Variants in MAST1 observed in about 807,000 individuals in gnomAD.
The protein encoded by MAST1 is microtubule associated serine/threonine kinase 1, also known as microtubule-associated serine/threonine-protein kinase 1.
A neutral mutation model predicts 124.6 loss-of-function variants in MAST1; 40 were observed. That is an observed-to-expected ratio of 0.32 (90% CI 0.25 to 0.42). The LOEUF (loss-of-function observed/expected upper bound fraction) is 0.42, where lower values mean the gene tolerates loss of function less well. MAST1 is among the 10% of genes least tolerant of loss of function. MAST1 has a pLI of 1.00. For missense variants in MAST1, 1,558 were observed against 2,181.9 expected, an observed-to-expected ratio of 0.71 and a Z score of 5.70; for synonymous variants, 938 against 939.4, an observed-to-expected ratio of 1.00 and a Z score of 0.03.
chr19:12,874,557 C>T lies in MAST1; in HGVS notation c.4400C>T (p.Ala1467Val), dbSNP rs778372059. ...GGGTTGCAGGAACCCGCACCCCTGG[C>T]GCCTTCCGTGCCCGAGGCCCCCCGG... ...SKGLQEPAPL[A>V]PSVPEAPRGR... The change falls in exon 26 of 26, where the codon GCG (alanine) becomes GTG (valine). Residue 1467 changes from alanine to valine, a missense_variant. By Grantham distance (64) the Ala-to-Val change is moderately conservative (BLOSUM62 0). Coordinates refer to ENST00000251472, the MANE Select transcript of MAST1 (RefSeq NM_014975.3). The surrounding 1 kb of genome is among the most constrained non-coding windows in gnomAD (Gnocchi z 6.6). The T allele has an allele frequency of 2.7e-6, 4 of 1,508,972 alleles. No homozygotes were observed. Among genetic ancestry groups the T allele is most frequent in the Non-Finnish European group, 3.5e-6 (4 of 1,132,836 alleles). 93.5% of individuals were successfully genotyped at this position (1,508,972 alleles called of 1,614,324 possible).
rs1417694852 is a variant in MAST1 at position 12,866,612 on chromosome 19, G to C, written c.2030-41G>C. 1 of 1,373,690 alleles carries C rather than the reference G, an allele frequency of 7.3e-7. No homozygotes were observed. The highest frequency in any genetic ancestry group is 1.2e-5 in the South Asian group (1 of 83,084). The allele number at this position is 1,373,690 out of a possible 1,614,324, so 85.1% of individuals were successfully genotyped here. ...TCCTGTGGGGATGTGATATGAGGAGGAACCCCGTACCCTCAGTCACAGCCC... is the reference window on the plus strand; with the variant it reads ...TCCTGTGGGGATGTGATATGAGGAGCAACCCCGTACCCTCAGTCACAGCCC... On this transcript the variant is annotated intron_variant, in intron 17 of 25. Coordinates refer to ENST00000251472, the MANE Select transcript of MAST1 (RefSeq NM_014975.3). This position sits in a 1 kb window ranked among gnomAD's most constrained non-coding sequence, Gnocchi z 5.2.
intron 12 of MAST1, among the ~76,000 whole-genome samples, chr19:12,861,674 T>TTTTCTCTC (rs765145086): frequency 5.5e-5 from 6 of 109,490 alleles, no homozygotes; most frequent in African/African-American, 2.5e-4. Flanking sequence ...TTCTTTTTCT[T>TTTTCTCTC]TTTCTCTCTT....
In MAST1 at chr19:12,865,032, A is replaced by G. The variant is rs1332841085; in HGVS notation, c.1506-14A>G. ...GACGGGCCTCATCCCTGAGATCCCCACCTGTGCCTACAGCCTCCTTATCAC... is the reference window on the plus strand; with the variant it reads ...GACGGGCCTCATCCCTGAGATCCCCGCCTGTGCCTACAGCCTCCTTATCAC... On this transcript the variant is annotated splice_polypyrimidine_tract_variant and intron_variant, in intron 13 of 25. Coordinates refer to ENST00000251472, the MANE Select transcript of MAST1 (RefSeq NM_014975.3). This position sits in a 1 kb window ranked among gnomAD's most constrained non-coding sequence, Gnocchi z 7.1. 1 of 1,613,670 alleles carries G rather than the reference A, an allele frequency of 6.2e-7. No homozygotes were observed. Among genetic ancestry groups the G allele is most frequent in the African/African-American group, 1.3e-5 (1 of 74,880 alleles).
chr19:12,860,129 G>A (rs1970062195), intron 12 of MAST1, among the ~76,000 whole-genome samples: 1 of 150,778 alleles, frequency 6.6e-6, no homozygotes, highest in Non-Finnish European at 1.5e-5. Flanking sequence ...TCTTTTTTTT[G>A]GGGGGGACGG....
chr19:12,874,214 C>T lies in MAST1; in HGVS notation c.4057C>T (p.Pro1353Ser). ...GTTGCTGCCCGAGGGTGCCTCCAGG[C>T]CACCAGTGTCGAGCAAGGAGAAGGA... Reference protein sequence around the residue: ...DPLLPEGASRPPVSSKEKESP... With the variant: ...DPLLPEGASRSPVSSKEKESP... The change falls in exon 26 of 26, where the codon CCA becomes TCA. Residue 1353 changes from proline (P) to serine (S), a missense_variant. This residue lies in a region of MAST1 where 263 missense variants were observed against 310.9 expected (regional missense o/e 0.85). Transcript: ENST00000251472. This position sits in a 1 kb window ranked among gnomAD's most constrained non-coding sequence, Gnocchi z 6.6. The T allele has an allele frequency of 6.5e-7, 1 of 1,546,088 alleles. No individual in the cohort carries two copies. The highest frequency in any genetic ancestry group is 1.2e-5 in the South Asian group (1 of 85,432).
In MAST1 at chr19:12,873,254, C is replaced by A. The variant is rs11878910; in HGVS notation, c.3264-70C>A. The A allele has an allele frequency of 2.4e-5, 36 of 1,493,180 alleles. No individual in the cohort carries two copies. The African/African-American group carries it at 2.9e-4, about 12-fold the overall frequency. The allele number at this position is 1,493,180 out of a possible 1,614,324, so 92.5% of individuals were successfully genotyped here. A position where few individuals can be genotyped will look rare whatever the true frequency, so the allele number is the denominator to read the frequency against. On this transcript the variant is annotated intron_variant, in intron 24 of 25. Coordinates refer to ENST00000251472, the MANE Select transcript of MAST1 (RefSeq NM_014975.3). Reference sequence around the variant, plus strand: ...GGGTGGGTGGTTACCGTTGTGAGGCCGTGAAATGGGAGGAGCCCTGAGCTC... The same window carrying A: ...GGGTGGGTGGTTACCGTTGTGAGGCAGTGAAATGGGAGGAGCCCTGAGCTC...
intron 1 of MAST1, among the ~76,000 whole-genome samples, chr19:12,839,672 T>A (rs1969802764): frequency 6.6e-6 from 1 of 152,190 alleles, no homozygotes; most frequent in Non-Finnish European, 1.5e-5. Context: ...GCATGGTGAA[T>A]GTCACACCCA....
rs547607748 is a variant in MAST1, at chr19:12,861,002, A to G, written c.1366+2263A>G. 3.2e-4 allele frequency among the ~76,000 whole-genome samples: 48 copies of G among 152,126 alleles called. No individual in the cohort carries two copies. The South Asian group carries it at 4.8e-3, about 15-fold the overall frequency. Reference sequence around the variant, plus strand: ...GCACAGACATCTCCCCGCCATGGAGATTCCATTCTGGTCTGTATAGACAGA... The same window carrying G: ...GCACAGACATCTCCCCGCCATGGAGGTTCCATTCTGGTCTGTATAGACAGA... On this transcript the variant is annotated intron_variant, in intron 12 of 25. Coordinates refer to ENST00000251472, the MANE Select transcript of MAST1 (RefSeq NM_014975.3).
At chr19:12,862,229 T>C (rs1028170784) in intron 12 of MAST1, among the ~76,000 whole-genome samples, 5 of 152,118 alleles carry the variant, frequency 3.3e-5, no homozygotes, top group African/African-American at 1.2e-4. Flanking sequence ...GGTCTCGAAT[T>C]CCTAGCCTTA....
In MAST1 at chr19:12,869,199, C is replaced by T; in HGVS notation, c.2907C>T (p.Thr969=). The stretch of plus-strand genomic sequence containing the variant: ...TCAGTGGGCTCCGCTCCCCCATCAC[C>T]ATCCAGCGCTCGGGCAAGAAGTATG... ...PAVSGLRSPI[T]IQRSGKKYGF... Residue 969 remains threonine, a synonymous_variant, in exon 22 of 26, where the codon ACC becomes ACT. Transcript: ENST00000251472. The T allele has an allele frequency of 1.2e-6, 2 of 1,614,228 alleles. No homozygotes were observed. Among genetic ancestry groups the T allele is most frequent in the Non-Finnish European group, 8.5e-7 (1 of 1,180,046 alleles).
At chr19:12,853,448 C>A (rs538131878) in intron 10 of MAST1, among the ~76,000 whole-genome samples, 1 of 151,184 alleles carries the variant, frequency 6.6e-6, no homozygotes. Context: ...CCCAGCTACT[C>A]GGGAGGCTGA....
rs773701011 is a variant in MAST1 at position 12,847,583 on chromosome 19, C to G, written c.489-29C>G. Reference sequence around the variant, plus strand: ...TCTCTGCGGGCTTGGAGGCAGAGGACTCGACAAAATGGGCTTCTCTCCCCG... The same window carrying G: ...TCTCTGCGGGCTTGGAGGCAGAGGAGTCGACAAAATGGGCTTCTCTCCCCG... On this transcript the variant is annotated intron_variant, in intron 5 of 25. Coordinates refer to ENST00000251472, the MANE Select transcript of MAST1 (RefSeq NM_014975.3). This position sits in a 1 kb window ranked among gnomAD's most constrained non-coding sequence, Gnocchi z 5.5. The G allele has an allele frequency of 5.0e-6, 8 of 1,613,984 alleles. No homozygotes were observed. Among genetic ancestry groups the G allele is most frequent in the Non-Finnish European group, 5.9e-6 (7 of 1,179,920 alleles).
At chr19:12,844,596 A>G (rs1969869593) in intron 4 of MAST1, among the ~76,000 whole-genome samples, 1 of 152,228 alleles carries the variant, frequency 6.6e-6, no homozygotes, top group Non-Finnish European at 1.5e-5. Context: ...CCAAGACAAC[A>G]GACCAGCAGG....
chr19:12,868,264 AC>A (rs1970187315), intron 20 of MAST1, among the ~76,000 whole-genome samples: 1 of 150,426 alleles, frequency 6.6e-6, no homozygotes, highest in Non-Finnish European at 1.5e-5. Flanking sequence ...GCGCGCCACT[AC>A]CCCCGGCTAA....
At chr19:12,857,922 A>G (rs1018413577) in intron 10 of MAST1, among the ~76,000 whole-genome samples, 6 of 145,102 alleles carry the variant, frequency 4.1e-5, no homozygotes, top group African/African-American at 1.5e-4. Flanking sequence ...AGGCTGAGGC[A>G]GGAGAATCAC....
In MAST1 at chr19:12,843,346, C is replaced by A. The variant is rs1429170979; in HGVS notation, c.249-183C>A. Among the ~76,000 whole-genome samples, 1 of 152,040 alleles carries A rather than the reference C, an allele frequency of 6.6e-6. No homozygotes were observed. The highest frequency in any genetic ancestry group is 1.5e-5 in the Non-Finnish European group (1 of 67,976). ...TGGAGACGGATCCTCCCTCCAATTC[C>A]CGGTGCCTGCCTGGAAGAGTCCCTC... On this transcript the variant is annotated intron_variant, in intron 3 of 25. Coordinates refer to ENST00000251472, the MANE Select transcript of MAST1 (RefSeq NM_014975.3). The surrounding 1 kb of genome is among the most constrained non-coding windows in gnomAD (Gnocchi z 4.9).
chr19:12,847,763 C>G lies in MAST1; in HGVS notation c.564+76C>G. ...CGCTCGCCTTATCCCCGCGCGCCCC[C>G]TGGCGGCCTCGGTGCGCAGCGCAGG... On this transcript the variant is annotated intron_variant, in intron 6 of 25. Transcript: ENST00000251472. This position sits in a 1 kb window ranked among gnomAD's most constrained non-coding sequence, Gnocchi z 5.5. 2 of 1,586,254 alleles carry G rather than the reference C, an allele frequency of 1.3e-6. No homozygotes were observed. The highest frequency in any genetic ancestry group is 1.7e-5 in the Admixed American group (1 of 57,420).
Position 12,869,265 on chromosome 19 carries a change from G to T in MAST1, c.2973G>T (p.Thr991=), listed in dbSNP as rs531824555. 6.2e-7 allele frequency: 1 copy of T among 1,613,940 alleles called. No individual in the cohort carries two copies. The highest frequency in any genetic ancestry group is 2.2e-5 in the East Asian group (1 of 44,844). ...LRAIRVYMGD[T]DVYSVHHIVW... Reference sequence around the variant, plus strand: ...CCATCCGTGTCTACATGGGTGACACGGATGTCTATAGTGTCCACCACATTG... The same window carrying T: ...CCATCCGTGTCTACATGGGTGACACTGATGTCTATAGTGTCCACCACATTG... The change falls in exon 22 of 26, where the codon ACG becomes ACT. Residue 991 remains threonine, a synonymous_variant. Transcript: ENST00000251472.
Position 12,867,670 on chromosome 19 carries a change from G to T in MAST1, c.2318+18G>T. 1 of 1,557,414 alleles carries T rather than the reference G, an allele frequency of 6.4e-7. No homozygotes were observed. The highest frequency in any genetic ancestry group is 1.2e-5 in the South Asian group (1 of 84,352). Reference sequence around the variant, plus strand: ...CCGGAGATGTGAGCAGGGGAATGGCGGAGTTTGGGGGCGGGGTCGAAGGGG... The same window carrying T: ...CCGGAGATGTGAGCAGGGGAATGGCTGAGTTTGGGGGCGGGGTCGAAGGGG... On this transcript the variant is annotated intron_variant, in intron 19 of 25. Transcript: ENST00000251472.
Sources: allele counts gnomAD v4.1 joint callset (sites outside exome capture counted in the v4.1 genomes callset), GRCh38; gene constraint gnomAD v4.1.1; regional missense constraint gnomAD v4.1.1; non-coding constraint Gnocchi (gnomAD v3.1); transcripts MANE v1.5; gene names NCBI Gene and HGNC (gene_info 2026-07-23, HGNC 2026-07-21).